The following THSD7A variants were observed in gnomAD, a reference collection of about 807,000 sequenced individuals.
THSD7A encodes thrombospondin type 1 domain containing 7A.
In THSD7A, 96 loss-of-function variants were observed where a neutral mutation model predicts 231.3. The ratio of observed to expected loss-of-function variants is 0.41; its 90% CI spans 0.35 to 0.49. The LOEUF (loss-of-function observed/expected upper bound fraction) is 0.49, where lower values mean the gene tolerates loss of function less well. Ranked by LOEUF, THSD7A falls within the 20% of genes least tolerant of loss-of-function variation. The pLI, the probability that THSD7A is intolerant of heterozygous loss-of-function variation, is 0.05. For missense variants in THSD7A, 2,290 were observed against 2,070.2 expected (o/e 1.11, Z -2.06); for synonymous variants, 940 against 743.3 (o/e 1.26, Z -4.30).
chr7:11,743,488 C>T (rs1267738023), intron 1 of THSD7A, among the ~76,000 whole-genome samples: 3 of 151,868 alleles, frequency 2.0e-5, no homozygotes, highest in Admixed American at 1.3e-4. Context: ...AAATATTCCC[C>T]TCTTTTTTGT....
At chr7:11,421,344 C>T (rs527418424) in intron 16 of THSD7A, among the ~76,000 whole-genome samples, 9 of 152,090 alleles carry the variant, frequency 5.9e-5, no homozygotes, top group Middle Eastern at 3.2e-3. Context: ...CTTCCCCCTT[C>T]GCTCTTTCTC....
intron 4 of THSD7A, among the ~76,000 whole-genome samples, chr7:11,583,712 G>A (rs963463767): frequency 6.6e-6 from 1 of 152,026 alleles, no homozygotes; most frequent in Non-Finnish European, 1.5e-5. Flanking sequence ...AGTTTACAGG[G>A]GTAAATCCTG....
intron 1 of THSD7A, among the ~76,000 whole-genome samples, chr7:11,672,504 C>T (rs1048414887): frequency 6.6e-5 from 10 of 151,876 alleles, no homozygotes; most frequent in African/African-American, 2.4e-4. Flanking sequence ...TTCTATTATT[C>T]TTTCATTTTA....
At chr7:11,557,016 T>C (rs1220746787) in intron 4 of THSD7A, among the ~76,000 whole-genome samples, 1 of 152,054 alleles carries the variant, frequency 6.6e-6, no homozygotes, top group Non-Finnish European at 1.5e-5. Flanking sequence ...ATATGAGAAG[T>C]GTTCAGCCAT....
intron 1 of THSD7A, among the ~76,000 whole-genome samples, chr7:11,759,463 A>G (rs548976720): frequency 6.6e-6 from 1 of 152,228 alleles, no homozygotes; most frequent in East Asian, 1.9e-4. Context: ...ACATATGAAT[A>G]TGTGACAAGG....
intron 1 of THSD7A, among the ~76,000 whole-genome samples, chr7:11,673,827 G>C (rs1241149756): frequency 6.6e-6 from 1 of 152,130 alleles, no homozygotes; most frequent in Non-Finnish European, 1.5e-5. Flanking sequence ...AGCCTAGCCA[G>C]TCAGGCCTGC....
intron 1 of THSD7A, among the ~76,000 whole-genome samples, chr7:11,639,192 C>A (rs961519589): frequency 1.3e-5 from 2 of 152,064 alleles, no homozygotes; most frequent in African/African-American, 2.4e-5. Context: ...TTTAGTTGAA[C>A]TTCCTGATAT....
chr7:11,796,059 T>C (rs1214224015), intron 1 of THSD7A, among the ~76,000 whole-genome samples: 2 of 139,690 alleles, frequency 1.4e-5, no homozygotes, highest in Non-Finnish European at 3.1e-5. Context: ...TATATATATA[T>C]ATATATATAT....
chr7:11,537,614 T>C (rs1389543784), intron 6 of THSD7A, among the ~76,000 whole-genome samples: 1 of 150,548 alleles, frequency 6.6e-6, no homozygotes, highest in South Asian at 2.1e-4. Flanking sequence ...CACCTAACAG[T>C]GCCATGCTTC....
At chr7:11,423,615 CG>C (rs1483006384) in intron 16 of THSD7A, among the ~76,000 whole-genome samples, 2 of 151,666 alleles carry the variant, frequency 1.3e-5, no homozygotes, top group African/African-American at 4.8e-5. Flanking sequence ...GTGATCCACC[CG>C]CCTCGGCCTC....
At chr7:11,676,929 A>G (rs57936431) in intron 1 of THSD7A, among the ~76,000 whole-genome samples, 16,195 of 152,090 alleles carry the variant, frequency 0.11, 878 homozygotes, top group African/African-American at 0.14. Flanking sequence ...CACCACAAAG[A>G]TACTCCTCGA....
chr7:11,586,680 T>C (rs1278226323), intron 4 of THSD7A, among the ~76,000 whole-genome samples: 2 of 152,186 alleles, frequency 1.3e-5, no homozygotes, highest in African/African-American at 4.8e-5. Context: ...GTAGACAAAA[T>C]ATAGTGATAA....
At chr7:11,626,135 T>TA (rs1781466653) in intron 2 of THSD7A, among the ~76,000 whole-genome samples, 2 of 152,256 alleles carry the variant, frequency 1.3e-5, no homozygotes, top group South Asian at 4.1e-4. Flanking sequence ...ATCAAAGGTT[T>TA]AAAATACTAC....
At chr7:11,630,956 C>A (rs887919398) in intron 2 of THSD7A, among the ~76,000 whole-genome samples, 7 of 152,182 alleles carry the variant, frequency 4.6e-5, no homozygotes, top group Admixed American at 2.6e-4. Flanking sequence ...TGCCTCCTCT[C>A]CCTACTCCTC....
intron 4 of THSD7A, among the ~76,000 whole-genome samples, chr7:11,585,917 T>C (rs114211652): frequency 0.022 from 3,340 of 152,198 alleles, 125 homozygotes; most frequent in African/African-American, 0.075. Flanking sequence ...ATTCCTCAGC[T>C]GGGAATCAAT....
chr7:11,451,855 A>T (rs1785157353), intron 11 of THSD7A, among the ~76,000 whole-genome samples: 1 of 152,024 alleles, frequency 6.6e-6, no homozygotes, highest in African/African-American at 2.4e-5. Context: ...TTTCCTTATT[A>T]TTCAGGTTTC....
chr7:11,790,692 T>C (rs1371028528), intron 1 of THSD7A, among the ~76,000 whole-genome samples: 1 of 151,532 alleles, frequency 6.6e-6, no homozygotes, highest in Non-Finnish European at 1.5e-5. Context: ...ATGATTTTAT[T>C]TGAGAAATTT....
chr7:11,382,302 A>G (rs992303180), intron 24 of THSD7A, among the ~76,000 whole-genome samples: 3 of 152,198 alleles, frequency 2.0e-5, no homozygotes, highest in African/African-American at 7.2e-5. Flanking sequence ...TTCAGCAGCA[A>G]TACCTAAAAA....
chr7:11,441,252 A>G (rs150705711), intron 13 of THSD7A, among the ~76,000 whole-genome samples: 1 of 152,076 alleles, frequency 6.6e-6, no homozygotes, highest in Admixed American at 6.6e-5. Flanking sequence ...ATAAGTAAGT[A>G]AATTATATGG....
Sources: allele counts gnomAD v4.1 joint callset (sites outside exome capture counted in the v4.1 genomes callset), GRCh38; gene constraint gnomAD v4.1.1; transcripts MANE v1.5; gene names NCBI Gene and HGNC (gene_info 2026-07-23, HGNC 2026-07-21).